Variants in DPF3 observed in about 807,000 individuals in gnomAD.
DPF3 encodes the protein zinc finger protein DPF3.
In DPF3, 18 loss-of-function variants were observed where a neutral mutation model predicts 56.8. The observed-to-expected ratio is 0.32, with a 90% CI of 0.22 to 0.47. The LOEUF is 0.47. Ranked by LOEUF, DPF3 falls within the 20% of genes least tolerant of loss-of-function variation. The pLI is 1.00. For missense variants in DPF3, 403 were observed against 488.8 expected (o/e 0.82, Z 1.65); for synonymous variants, 188 against 180.2 (o/e 1.04, Z -0.35).
At chr14:72,657,357 A>G (rs1191978390) in intron 8 of DPF3, among the ~76,000 whole-genome samples, 1 of 152,218 alleles carries the variant, frequency 6.6e-6, no homozygotes, top group East Asian at 1.9e-4. Context: ...GATGTCCACA[A>G]TGGAGAGTCG....
At chr14:72,768,155 T>C (rs1335298903) in intron 2 of DPF3, among the ~76,000 whole-genome samples, 1 of 152,190 alleles carries the variant, frequency 6.6e-6, no homozygotes. Context: ...CTAAAGAAAG[T>C]ACTACATCAG....
At chr14:72,816,878 G>T (rs17181909) in intron 1 of DPF3, among the ~76,000 whole-genome samples, 14,236 of 152,202 alleles carry the variant, frequency 0.094, 820 homozygotes, top group Admixed American at 0.18. Context: ...GGAATATCAA[G>T]ATCAATCTTT....
chr14:72,776,379 A>G (rs1891743498), intron 1 of DPF3, among the ~76,000 whole-genome samples: 1 of 152,088 alleles, frequency 6.6e-6, no homozygotes, highest in Admixed American at 6.5e-5. Context: ...GCCTAGTTCT[A>G]GGGGGCTTTG....
Position 72,707,339 on chromosome 14 carries a change from C to T in DPF3, c.604+7084G>A, listed in dbSNP as rs57116985. Among the ~76,000 whole-genome samples the T allele has an allele frequency of 2.2e-3, 334 of 152,156 alleles. 7 individuals carry two copies. The East Asian group carries it at 0.025, about 12-fold the overall frequency. On this transcript the variant is annotated intron_variant, in intron 6 of 10. Coordinates refer to ENST00000556509, the MANE Select transcript of DPF3 (RefSeq NM_001280542.3). ...TGATTTATAGTCCTTTGGGTATATA[C>T]CCAGTAATGGGATGGCTGGGTCAAA...
At position 72,884,940 on chromosome 14, in the gene DPF3, CTATATATATATATATATA is replaced by C. The variant is rs773450437; in HGVS notation, c.32+9099_32+9116del. Among the ~76,000 whole-genome samples the C allele has an allele frequency of 3.5e-3, 105 of 29,620 alleles. 14 individuals carry two copies. The South Asian group carries it at 0.05, about 14-fold the overall frequency. 19.4% of individuals were successfully genotyped at this position (29,620 alleles called of 152,430 possible). A position where few individuals can be genotyped will look rare whatever the true frequency, so the allele number is the denominator to read the frequency against. Reference sequence around the variant, plus strand: ...TGAAACCCCGTCTCTACTAAAAATACTATATATATATATATATATATATATATATATTAGCCGGGCGTA... The same window carrying C: ...TGAAACCCCGTCTCTACTAAAAATACTATATATATATATTAGCCGGGCGTA... On this transcript the variant is annotated intron_variant, in intron 1 of 10. Coordinates refer to ENST00000556509, the MANE Select transcript of DPF3 (RefSeq NM_001280542.3).
intron 1 of DPF3, among the ~76,000 whole-genome samples, chr14:72,819,554 A>C (rs569056984): frequency 6.6e-6 from 1 of 152,324 alleles, no homozygotes; most frequent in East Asian, 1.9e-4. Context: ...ACTGAAAAAA[A>C]TAAAAATAAA....
chr14:72,893,929 G>T, intron 1 of DPF3, 128 bp downstream of exon 1: 2 of 1,038,146 alleles, frequency 1.9e-6, no homozygotes, highest in South Asian at 1.4e-5. Flanking sequence ...GCTGAAAGAA[G>T]AGAGAAGCCC....
intron 8 of DPF3, among the ~76,000 whole-genome samples, chr14:72,659,977 T>G (rs987526879): frequency 6.6e-6 from 1 of 152,140 alleles, no homozygotes; most frequent in Non-Finnish European, 1.5e-5. Flanking sequence ...ATGATTCCAT[T>G]TATACAAGGT....
rs1555505001 is a variant in DPF3, at chr14:72,767,778, AAC to A, written c.193+3953_193+3954del. Among the ~76,000 whole-genome samples the A allele has an allele frequency of 8.5e-3, 1,241 of 146,336 alleles. 22 individuals carry two copies. The highest frequency in any genetic ancestry group is 0.029 in the African/African-American group (1,149 of 39,892). ...AATTTGGCAAAAAAAAAAAAAAAAAAACCCCATAAACCCACAGGTTGAAGAAG... is the reference window on the plus strand; with the variant it reads ...AATTTGGCAAAAAAAAAAAAAAAAAACCCATAAACCCACAGGTTGAAGAAG... On this transcript the variant is annotated intron_variant, in intron 2 of 10. Transcript: ENST00000556509.
intron 8 of DPF3, among the ~76,000 whole-genome samples, chr14:72,648,832 AG>A (rs1329887768): frequency 2.0e-5 from 3 of 152,022 alleles, no homozygotes; most frequent in Non-Finnish European, 4.4e-5. Flanking sequence ...AAGCCATAAA[AG>A]CTCCCATCTT....
intron 2 of DPF3, among the ~76,000 whole-genome samples, chr14:72,768,933 C>CTGTGTGTGTCTG (rs1443120730): frequency 9.6e-4 from 141 of 146,516 alleles, no homozygotes; most frequent in African/African-American, 3.4e-3. Flanking sequence ...GTGTGAGTGT[C>CTGTGTGTGTCTG]TGTGTGTGTG....
intron 2 of DPF3, 111 bp downstream of exon 2, chr14:72,771,622 G>T: frequency 1.5e-6 from 2 of 1,359,030 alleles, no homozygotes; most frequent in Non-Finnish European, 2.0e-6. Flanking sequence ...TGTGCAGCTT[G>T]CCCCACCCCG....
At chr14:72,785,724 G>C (rs976148492) in intron 1 of DPF3, among the ~76,000 whole-genome samples, 1 of 152,130 alleles carries the variant, frequency 6.6e-6, no homozygotes, top group Admixed American at 6.5e-5. Flanking sequence ...CTCAAAAAAA[G>C]TTAATATGGG....
chr14:72,621,788 A>T (rs1045845477), intron 9 of DPF3, among the ~76,000 whole-genome samples: 1 of 152,182 alleles, frequency 6.6e-6, no homozygotes, highest in Non-Finnish European at 1.5e-5. Context: ...AGCATCATTG[A>T]TTAGATGGGG....
At chr14:72,795,287 A>ATATATATAT (rs1371528147) in intron 1 of DPF3, among the ~76,000 whole-genome samples, 9 of 124,966 alleles carry the variant, frequency 7.2e-5, no homozygotes, top group South Asian at 7.1e-4. Flanking sequence ...CAAAAAAAAA[A>ATATATATAT]AAAAAAAAAT....
chr14:72,668,188 C>T (rs958235432), intron 8 of DPF3, among the ~76,000 whole-genome samples: 7 of 152,172 alleles, frequency 4.6e-5, no homozygotes, highest in Admixed American at 6.5e-5. Context: ...CTTCCTCATC[C>T]GACACCTTCT....
chr14:72,741,161 C>T (rs1296899570), intron 3 of DPF3, among the ~76,000 whole-genome samples: 1 of 152,218 alleles, frequency 6.6e-6, no homozygotes, highest in East Asian at 1.9e-4. Flanking sequence ...AATTCATTTT[C>T]GGTGTTGGGG....
chr14:72,859,684 G>A (rs779375721), intron 1 of DPF3, among the ~76,000 whole-genome samples: 7 of 152,068 alleles, frequency 4.6e-5, no homozygotes, highest in Non-Finnish European at 1.0e-4. Flanking sequence ...GAGGGTCACA[G>A]TTCACTCATT....
At chr14:72,846,001 A>G (rs1262021050) in intron 1 of DPF3, among the ~76,000 whole-genome samples, 1 of 151,988 alleles carries the variant, frequency 6.6e-6, no homozygotes, top group African/African-American at 2.4e-5. Flanking sequence ...CAAGAGTAAA[A>G]TTCTCCCCAG....
Sources: gnomAD v4.1 joint callset for allele counts (sites outside exome capture counted in the v4.1 genomes callset) on GRCh38, gnomAD v4.1.1 for gene constraint, MANE v1.5 for transcripts, NCBI Gene and HGNC (gene_info 2026-07-23, HGNC 2026-07-21) for gene names.